Variants in SPMIP6 observed in about 807,000 individuals in gnomAD.
The protein encoded by SPMIP6 is ciliated bronchial epithelial protein 1.
chr9:34,384,639 T>C, the SPMIP6 span, among the ~76,000 whole-genome samples: 2 of 152,160 alleles, frequency 1.3e-5, no homozygotes, highest in Non-Finnish European at 2.9e-5. Context: ...CCAACTTCCA[T>C]TGGGAATTCT....
At chr9:34,383,570 A>T in the SPMIP6 span, among the ~76,000 whole-genome samples, 1 of 152,328 alleles carries the variant, frequency 6.6e-6, no homozygotes, top group South Asian at 2.1e-4. Flanking sequence ...CCAGTGCCCC[A>T]TGATCTCACT....
chr9:34,385,425 A>G, the SPMIP6 span, among the ~76,000 whole-genome samples: 1 of 149,690 alleles, frequency 6.7e-6, no homozygotes. Context: ...CCAGCTACTC[A>G]GGAGGCTAAG....
chr9:34,386,200 G>C, the SPMIP6 span, among the ~76,000 whole-genome samples: 1 of 152,150 alleles, frequency 6.6e-6, no homozygotes, highest in Non-Finnish European at 1.5e-5. Flanking sequence ...GCTACCCTGG[G>C]AGCTGGCTGC....
At chr9:34,384,012 C>T in the SPMIP6 span, among the ~76,000 whole-genome samples, 1 of 152,176 alleles carries the variant, frequency 6.6e-6, no homozygotes, top group African/African-American at 2.4e-5. Context: ...GTCACCTAAG[C>T]CTGTCCTACA....
chr9:34,382,983 C>T, the SPMIP6 span: 1 of 784,206 alleles, frequency 1.3e-6, no homozygotes. Context: ...CCCTCACAGA[C>T]TGTCCTCAAG....
the SPMIP6 span, chr9:34,380,998 C>A: frequency 6.2e-7 from 1 of 1,610,044 alleles, no homozygotes; most frequent in Admixed American, 1.7e-5. Context: ...AGTGGCGGCC[C>A]GAGCAAGCAC....
At chr9:34,385,682 C>A in the SPMIP6 span, 5 of 1,613,860 alleles carry the variant, frequency 3.1e-6, no homozygotes, top group Non-Finnish European at 3.4e-6. Flanking sequence ...TAGGGGTGGC[C>A]TGATATGGAC....
chr9:34,385,817 A>C, the SPMIP6 span: 1 of 1,598,494 alleles, frequency 6.3e-7, no homozygotes, highest in Non-Finnish European at 8.5e-7. Flanking sequence ...GGTTAGGGGC[A>C]CAGAGACCCC....
At chr9:34,394,852 C>T in the SPMIP6 span, among the ~76,000 whole-genome samples, 30 of 152,168 alleles carry the variant, frequency 2.0e-4, no homozygotes, top group Non-Finnish European at 4.1e-4. Flanking sequence ...CCATGAGACT[C>T]CAACACAAAA....
chr9:34,384,139 G>A, the SPMIP6 span, among the ~76,000 whole-genome samples: 1 of 152,144 alleles, frequency 6.6e-6, no homozygotes, highest in Non-Finnish European at 1.5e-5. Flanking sequence ...TGGAGTTCGG[G>A]GATGGCAGTT....
At chr9:34,392,002 A>G in the SPMIP6 span, among the ~76,000 whole-genome samples, 1 of 151,946 alleles carries the variant, frequency 6.6e-6, no homozygotes. This position sits in a 1 kb window ranked among gnomAD's most constrained non-coding sequence, Gnocchi z 4.6. Context: ...GTAATTCTTT[A>G]TTTTTATTTT....
chr9:34,383,399 C>T, the SPMIP6 span, among the ~76,000 whole-genome samples: 1 of 152,194 alleles, frequency 6.6e-6, no homozygotes, highest in African/African-American at 2.4e-5. Context: ...TGGTGTGCGC[C>T]TGTAAACCCA....
the SPMIP6 span, among the ~76,000 whole-genome samples, chr9:34,384,686 G>A: frequency 6.6e-6 from 1 of 152,314 alleles, no homozygotes; most frequent in South Asian, 2.1e-4. Flanking sequence ...GCCTGGTGCT[G>A]TGCTCGATGG....
chr9:34,380,946 A>T, the SPMIP6 span: 4 of 1,603,290 alleles, frequency 2.5e-6, no homozygotes, highest in Non-Finnish European at 3.4e-6. Flanking sequence ...CGGTCGGTGC[A>T]GGGCGCCCCG....
the SPMIP6 span, among the ~76,000 whole-genome samples, chr9:34,387,468 GTGGGTGCA>G: frequency 2.0e-5 from 3 of 152,124 alleles, no homozygotes; most frequent in African/African-American, 7.2e-5. Context: ...TATGGGAGAT[GTGGGTGCA>G]TGGGTCCCGT....
chr9:34,392,442 C>CGTGTGTGT, the SPMIP6 span, among the ~76,000 whole-genome samples: 3,589 of 148,176 alleles, frequency 0.024, 57 homozygotes, highest in East Asian at 0.045. The surrounding 1 kb of genome is among the most constrained non-coding windows in gnomAD (Gnocchi z 4.6). Context: ...ATCTAAAAAC[C>CGTGTGTGT]GTGTGTGTGT....
At chr9:34,396,269 C>T in the SPMIP6 span, among the ~76,000 whole-genome samples, 7 of 152,076 alleles carry the variant, frequency 4.6e-5, no homozygotes, top group Non-Finnish European at 8.8e-5. Context: ...TCTGAGTTAT[C>T]TGCATTTTCT....
chr9:34,387,337 G>T, the SPMIP6 span, among the ~76,000 whole-genome samples: 2 of 152,156 alleles, frequency 1.3e-5, no homozygotes, highest in Non-Finnish European at 2.9e-5. Flanking sequence ...GTTGCTCCAA[G>T]TGCTCCAACC....
chr9:34,392,545 A>G, the SPMIP6 span, among the ~76,000 whole-genome samples: 1 of 150,924 alleles, frequency 6.6e-6, no homozygotes, highest in African/African-American at 2.4e-5. The surrounding 1 kb of genome is among the most constrained non-coding windows in gnomAD (Gnocchi z 4.6). Context: ...TATCTGTATC[A>G]GTCAAATTTG....
Sources: allele counts gnomAD v4.1 joint callset (sites outside exome capture counted in the v4.1 genomes callset), GRCh38; gene constraint gnomAD v4.1.1; non-coding constraint Gnocchi (gnomAD v3.1); transcripts MANE v1.5; gene names NCBI Gene and HGNC (gene_info 2026-07-23, HGNC 2026-07-21).